Variants in RANBP9 observed in about 807,000 individuals in gnomAD.
RANBP9 encodes the protein RAN binding protein 9, also known as ran-binding protein 9.
Under a neutral mutation model 84.3 loss-of-function variants are expected in RANBP9, and 15 were observed. The observed-to-expected ratio is 0.18, with a 90% CI of 0.12 to 0.27. RANBP9 has a LOEUF of 0.27. Among genes scored for constraint, RANBP9 ranks in the 10% least tolerant of loss-of-function variants. The pLI, the probability that RANBP9 is intolerant of heterozygous loss-of-function variation, is 1.00. For missense variants in RANBP9, 809 were observed against 912.8 expected (o/e 0.89, Z 1.46); for synonymous variants, 392 against 349.6 (o/e 1.12, Z -1.35).
chr6:13,640,862 A>G (rs1041808059), intron 8 of RANBP9, among the ~76,000 whole-genome samples: 2 of 152,138 alleles, frequency 1.3e-5, no homozygotes, highest in Non-Finnish European at 2.9e-5. Context: ...AATTTTATGT[A>G]TATTTTACCA....
chr6:13,694,242 C>T (rs2113353420), intron 2 of RANBP9, among the ~76,000 whole-genome samples: 1 of 152,224 alleles, frequency 6.6e-6, no homozygotes, highest in Non-Finnish European at 1.5e-5. Flanking sequence ...CAGTTCCAGC[C>T]AAAAAACTGG....
chr6:13,697,464 A>G (rs1378782818), intron 1 of RANBP9, among the ~76,000 whole-genome samples: 4 of 152,368 alleles, frequency 2.6e-5, no homozygotes, highest in Admixed American at 2.0e-4. Flanking sequence ...TCTTGGGCCA[A>G]TAATAGCTTA....
rs1288339312 is a variant in RANBP9 at position 13,687,489 on chromosome 6, T to TA, written c.683+9295dup. 8.2e-3 allele frequency among the ~76,000 whole-genome samples: 1,184 copies of TA among 143,736 alleles called. 11 individuals are homozygous for TA. Among genetic ancestry groups the TA allele is most frequent in the African/African-American group, 0.024 (961 of 39,352 alleles). 94.3% of individuals were successfully genotyped at this position (143,736 alleles called of 152,430 possible). ...GGCAACAAAGTGAGGCCCTATCTCTTAAAAAAAAAAAAATCCTCTTCTGGT... is the reference window on the plus strand; with the variant it reads ...GGCAACAAAGTGAGGCCCTATCTCTTAAAAAAAAAAAAAATCCTCTTCTGGT... On this transcript the variant is annotated intron_variant, in intron 2 of 13. Transcript: ENST00000011619.
At chr6:13,644,848 T>A in intron 5 of RANBP9, 119 bp from the exon 6 acceptor site, 1 of 864,218 alleles carries the variant, frequency 1.2e-6, no homozygotes, top group Non-Finnish European at 1.6e-6. Context: ...AAAATCCCAA[T>A]CAAAATATTA....
intron 13 of RANBP9, among the ~76,000 whole-genome samples, chr6:13,625,059 C>T (rs1315069473): frequency 9.9e-5 from 15 of 152,222 alleles, no homozygotes; most frequent in Non-Finnish European, 1.5e-5. Flanking sequence ...TTGAGCTTCT[C>T]TGATATTCAA....
At chr6:13,667,981 A>G (rs181490172) in intron 2 of RANBP9, among the ~76,000 whole-genome samples, 3 of 152,250 alleles carry the variant, frequency 2.0e-5, no homozygotes, top group African/African-American at 7.2e-5. Flanking sequence ...AGGTAGCAGA[A>G]AAGGAATTAT....
intron 13 of RANBP9, among the ~76,000 whole-genome samples, 190 bp from the exon 14 acceptor site, chr6:13,622,682 G>A (rs1312927674): frequency 1.3e-5 from 2 of 152,192 alleles, no homozygotes; most frequent in East Asian, 3.9e-4. Flanking sequence ...AGGTAGTGTG[G>A]GTATTGTGTA....
At chr6:13,638,319 G>A (rs1470091209) in intron 9 of RANBP9, among the ~76,000 whole-genome samples, 2 of 152,050 alleles carry the variant, frequency 1.3e-5, no homozygotes, top group Non-Finnish European at 2.9e-5. Context: ...GAACAGACAT[G>A]GGAATCACAC....
Position 13,634,544 on chromosome 6 carries a change from A to G in RANBP9, c.1682T>C (p.Val561Ala), listed in dbSNP as rs1465670203. ...GGAGTAGTGATCTGTTTCCATGTCTACATCATTACTGAAAACGAAAAAACA... is the reference window on the plus strand; with the variant it reads ...GGAGTAGTGATCTGTTTCCATGTCTGCATCATTACTGAAAACGAAAAAACA... ...QQVNNFTSNDVDMETDHYSNG... is the reference protein window; with the variant it reads ...QQVNNFTSNDADMETDHYSNG... The change falls in exon 11 of 14, where the codon GTA (valine) becomes GCA (alanine). Residue 561 changes from valine (V) to alanine (A), a missense_variant. Val to Ala is a moderately conservative substitution (Grantham distance 64). Transcript: ENST00000011619. 2 of 1,600,602 alleles carry G rather than the reference A, an allele frequency of 1.2e-6. No individual in the cohort carries two copies. Among genetic ancestry groups the G allele is most frequent in the South Asian group, 2.3e-5 (2 of 88,714 alleles).
chr6:13,641,370 G>C, intron 7 of RANBP9, 63 bp from the exon 8 acceptor site: 1 of 975,844 alleles, frequency 1.0e-6, no homozygotes, highest in East Asian at 2.6e-5. Flanking sequence ...TAAACTTAGT[G>C]ACCTCAGAAA....
chr6:13,626,577 C>A (rs1764612080), intron 12 of RANBP9, among the ~76,000 whole-genome samples: 1 of 152,126 alleles, frequency 6.6e-6, no homozygotes, highest in South Asian at 2.1e-4. Flanking sequence ...TAAATGACGT[C>A]TTATTATTAT....
chr6:13,646,097 A>G (rs1213931605), intron 5 of RANBP9, among the ~76,000 whole-genome samples: 1 of 152,208 alleles, frequency 6.6e-6, no homozygotes, highest in Admixed American at 6.5e-5. Flanking sequence ...CACCAATGAG[A>G]AAACTGAGAC....
intron 12 of RANBP9, among the ~76,000 whole-genome samples, chr6:13,629,921 CGT>C (rs3063992): frequency 0.042 from 5,342 of 128,284 alleles, 139 homozygotes; most frequent in Admixed American, 0.085. Flanking sequence ...CTCTCTCTCT[CGT>C]GTGTGTGTGT....
intron 2 of RANBP9, among the ~76,000 whole-genome samples, chr6:13,671,937 T>A (rs929429247): frequency 6.6e-6 from 1 of 152,038 alleles, no homozygotes; most frequent in Non-Finnish European, 1.5e-5. Flanking sequence ...AGTTCACAGG[T>A]CACAACACCT....
chr6:13,671,693 T>C (rs1206836202), intron 2 of RANBP9, among the ~76,000 whole-genome samples: 1 of 152,094 alleles, frequency 6.6e-6, no homozygotes, highest in African/African-American at 2.4e-5. Flanking sequence ...AAAAATTAAA[T>C]AGTAAGGGTT....
chr6:13,657,039 C>T (rs549636027), intron 4 of RANBP9, 70 bp downstream of exon 4: 4 of 1,372,218 alleles, frequency 2.9e-6, no homozygotes, highest in South Asian at 1.5e-5. Flanking sequence ...ATAATAAATA[C>T]AACTACCATC....
chr6:13,695,182 G>A lies in RANBP9; in HGVS notation c.683+1603C>T, dbSNP rs185822914. 3.2e-4 allele frequency among the ~76,000 whole-genome samples: 48 copies of A among 152,184 alleles called. 1 individual carries two copies. The East Asian group carries it at 8.7e-3, about 28-fold the overall frequency. On this transcript the variant is annotated intron_variant, in intron 2 of 13. Transcript: ENST00000011619. Reference sequence around the variant, plus strand: ...ACAGATATCTCAAAAAACGGGTAGAGGCAACTCAGTTTTTTATTACTAAGA... The same window carrying A: ...ACAGATATCTCAAAAAACGGGTAGAAGCAACTCAGTTTTTTATTACTAAGA...
chr6:13,663,671 A>G (rs776526156), intron 2 of RANBP9, among the ~76,000 whole-genome samples: 1 of 151,334 alleles, frequency 6.6e-6, no homozygotes, highest in Non-Finnish European at 1.5e-5. Flanking sequence ...GTCAGTAAAT[A>G]AAAAGAAATT....
rs767070995 is a variant in RANBP9 at position 13,705,868 on chromosome 6, C to CAAAAAAAAAAAAAAAA, written c.571+5051_571+5066dup. 2.5e-3 allele frequency among the ~76,000 whole-genome samples: 190 copies of CAAAAAAAAAAAAAAAA among 76,678 alleles called. 7 individuals carry two copies. Among genetic ancestry groups the CAAAAAAAAAAAAAAAA allele is most frequent in the East Asian group, 0.013 (29 of 2,266 alleles). 50.3% of individuals were successfully genotyped at this position (76,678 alleles called of 152,430 possible). ...TGGGCGACAGAGCAAGACTCCGTCT[C>CAAAAAAAAAAAAAAAA]AAAAAAAAAAAAAAAAAAGAAACAT... On this transcript the variant is annotated intron_variant, in intron 1 of 13. Transcript: ENST00000011619.
Sources: gnomAD v4.1 joint callset for allele counts (sites outside exome capture counted in the v4.1 genomes callset) on GRCh38, gnomAD v4.1.1 for gene constraint, MANE v1.5 for transcripts, NCBI Gene and HGNC (gene_info 2026-07-23, HGNC 2026-07-21) for gene names.